Variants in ITIH5 observed in about 807,000 individuals in gnomAD.
The protein encoded by ITIH5 is inter-alpha-trypsin inhibitor heavy chain 5.
ITIH5 carries 65 observed loss-of-function variants against 77.5 expected under a neutral mutation model. The ratio of observed to expected loss-of-function variants is 0.84; its 90% CI spans 0.69 to 1.03. The LOEUF is 1.03. Among genes scored for constraint, ITIH5 ranks in the 50% least tolerant of loss-of-function variants. The probability of loss-of-function intolerance (pLI) is 0.00; values close to 1 mark genes in which losing one functional copy is unlikely to be tolerated. For missense variants in ITIH5, 1,208 were observed against 1,213.1 expected (o/e 1.00, Z 0.06); for synonymous variants, 525 against 494.3 (o/e 1.06, Z -0.82).
At chr10:7,661,997 T>A (rs1407749448) in intron 1 of ITIH5, among the ~76,000 whole-genome samples, 1 of 152,198 alleles carries the variant, frequency 6.6e-6, no homozygotes, top group Non-Finnish European at 1.5e-5. Context: ...CCACTGTGCC[T>A]GGCCGATTAA....
intron 5 of ITIH5, among the ~76,000 whole-genome samples, chr10:7,626,218 GA>G (rs1232306160): frequency 6.6e-6 from 1 of 152,146 alleles, no homozygotes; most frequent in African/African-American, 2.4e-5. Context: ...CAGGAAAAAG[GA>G]AGAAAAAGAG....
chr10:7,666,923 C>T lies in ITIH5; in HGVS notation c.-31G>A. On this transcript the variant is annotated 5_prime_UTR_variant, in exon 1 of 14. Coordinates refer to ENST00000397146, the MANE Select transcript of ITIH5 (RefSeq NM_030569.7). ...GGCGAGGGCGCGGGACGCTCGGGGA[C>T]CCGGCGGGACACGCTTTGCAGCGCC... 6.5e-7 allele frequency: 1 copy of T among 1,550,114 alleles called. No individual in the cohort carries two copies. Among genetic ancestry groups the T allele is most frequent in the Non-Finnish European group, 8.7e-7 (1 of 1,144,582 alleles).
intron 7 of ITIH5, chr10:7,600,542 T>G (rs1162663569): frequency 4.4e-6 from 2 of 456,628 alleles, no homozygotes; most frequent in Non-Finnish European, 8.8e-6. Context: ...GGCCTTTGCC[T>G]TCCCTTTCCA....
rs1033405913 is a variant in ITIH5, at chr10:7,562,533, C to G, written c.*550G>C. The G allele has an allele frequency of 1.9e-5, 3 of 154,862 alleles. No homozygotes were observed. The highest frequency in any genetic ancestry group is 7.2e-5 in the African/African-American group (3 of 41,464). The allele number at this position is 154,862 out of a possible 1,614,324, so 9.6% of individuals were successfully genotyped here. A position where few individuals can be genotyped will look rare whatever the true frequency, so the allele number is the denominator to read the frequency against. ...AAAAGACTTCATGGTTTACAACGATCAAATGTATGGGCTATTTGCCTGATT... is the reference window on the plus strand; with the variant it reads ...AAAAGACTTCATGGTTTACAACGATGAAATGTATGGGCTATTTGCCTGATT... On this transcript the variant is annotated 3_prime_UTR_variant, in exon 14 of 14. Transcript: ENST00000397146.
At chr10:7,567,608 AAT>A in intron 12 of ITIH5, among the ~76,000 whole-genome samples, 1 of 151,934 alleles carries the variant, frequency 6.6e-6, no homozygotes, top group East Asian at 1.9e-4. Context: ...CTGTCCTTGC[AAT>A]AGTTTGCTCA....
At chr10:7,656,636 G>A (rs1438421766) in intron 1 of ITIH5, among the ~76,000 whole-genome samples, 3 of 152,094 alleles carry the variant, frequency 2.0e-5, no homozygotes, top group Non-Finnish European at 4.4e-5. Context: ...ACTAATAGAA[G>A]TGTAAACTAT....
At chr10:7,660,522 C>T (rs898076439) in intron 1 of ITIH5, among the ~76,000 whole-genome samples, 1 of 152,158 alleles carries the variant, frequency 6.6e-6, no homozygotes, top group Non-Finnish European at 1.5e-5. Flanking sequence ...ATCATCAGAG[C>T]TGTGGAGTGT....
intron 8 of ITIH5, among the ~76,000 whole-genome samples, chr10:7,585,561 A>G (rs1348321150): frequency 3.3e-5 from 5 of 152,164 alleles, no homozygotes; most frequent in African/African-American, 1.2e-4. Context: ...ACGTGGCTGT[A>G]ATTCTCCACC....
chr10:7,627,621 T>C (rs1407603579), intron 5 of ITIH5, among the ~76,000 whole-genome samples: 1 of 152,180 alleles, frequency 6.6e-6, no homozygotes, highest in Non-Finnish European at 1.5e-5. Flanking sequence ...AGGAGTGATA[T>C]GATTAAAAAG....
chr10:7,641,881 A>C (rs748711504), intron 3 of ITIH5, 46 bp downstream of exon 3: 1 of 1,592,644 alleles, frequency 6.3e-7, no homozygotes, highest in Non-Finnish European at 8.6e-7. Flanking sequence ...GCTCAACCTG[A>C]CCACCCTAGG....
intron 1 of ITIH5, among the ~76,000 whole-genome samples, chr10:7,662,849 C>A (rs1222833559): frequency 6.6e-6 from 1 of 152,172 alleles, no homozygotes; most frequent in African/African-American, 2.4e-5. Flanking sequence ...CTTACAAAAT[C>A]TTTCACTGGC....
At chr10:7,600,627 CCTT>C (rs1226332178) in intron 7 of ITIH5, 1 of 455,970 alleles carries the variant, frequency 2.2e-6, no homozygotes, top group Non-Finnish European at 4.4e-6. Flanking sequence ...ATCAGAACAT[CCTT>C]CTTCAAGCTA....
chr10:7,602,822 T>C (rs1317323921), intron 7 of ITIH5, among the ~76,000 whole-genome samples: 2 of 152,310 alleles, frequency 1.3e-5, no homozygotes, highest in African/African-American at 4.8e-5. Context: ...AGCTAATTAC[T>C]AAGCCACACT....
At position 7,573,187 on chromosome 10, in the gene ITIH5, G is replaced by A; in HGVS notation, c.1987C>T (p.Leu663Phe). Residue 663 changes from leucine to phenylalanine, a missense_variant, in exon 11 of 14, where the codon CTC becomes TTC. By Grantham distance (22) the Leu-to-Phe change is conservative (BLOSUM62 0). Coordinates refer to ENST00000397146, the MANE Select transcript of ITIH5 (RefSeq NM_030569.7). The part of the protein sequence containing the change: ...RGAGTQPGPL[L>F]KKPYQPRIKI... ...ATTCTTGGCTGGTATGGCTTCTTGA[G>A]CAAAGGTCCTAAAAGGGAGAAGGAA... The A allele has an allele frequency of 6.2e-7, 1 of 1,613,134 alleles. No individual in the cohort carries two copies. The highest frequency in any genetic ancestry group is 8.5e-7 in the Non-Finnish European group (1 of 1,179,222).
intron 2 of ITIH5, among the ~76,000 whole-genome samples, chr10:7,654,583 A>T (rs924336897): frequency 6.6e-6 from 1 of 152,212 alleles, no homozygotes. Context: ...GGCTCCTTTC[A>T]CACAATGCAA....
Position 7,563,271 on chromosome 10 carries a change from C to G in ITIH5, c.2641G>C (p.Val881Leu). 6.2e-7 allele frequency: 1 copy of G among 1,614,220 alleles called. No homozygotes were observed. Among genetic ancestry groups the G allele is most frequent in the Non-Finnish European group, 8.5e-7 (1 of 1,180,036 alleles). ...ACCACTGGGACTTGGTGGCCTTTCACTGTTAGGACGGCCTCAGGCCCCTCT... is the reference window on the plus strand; with the variant it reads ...ACCACTGGGACTTGGTGGCCTTTCAGTGTTAGGACGGCCTCAGGCCCCTCT... ...VGEGPEAVLT[V>L]KGHQVPVVWK... Residue 881 changes from valine to leucine, a missense_variant, in exon 14 of 14, where the codon GTG becomes CTG. Transcript: ENST00000397146.
chr10:7,649,501 G>A (rs191467163), intron 2 of ITIH5, among the ~76,000 whole-genome samples: 128 of 149,448 alleles, frequency 8.6e-4, no homozygotes, highest in African/African-American at 3.0e-3. Flanking sequence ...TAAGTGGATA[G>A]ATGGATAGAT....
intron 3 of ITIH5, 85 bp downstream of exon 3, chr10:7,641,842 G>A (rs1311718472): frequency 9.0e-7 from 1 of 1,109,172 alleles, no homozygotes; most frequent in Non-Finnish European, 1.3e-6. Context: ...AATCCTCACA[G>A]TCACAAGGCT....
At chr10:7,571,214 G>A (rs1832290309) in intron 11 of ITIH5, among the ~76,000 whole-genome samples, 1 of 152,044 alleles carries the variant, frequency 6.6e-6, no homozygotes, top group Non-Finnish European at 1.5e-5. Context: ...CTGACCCCCA[G>A]AGGAGATCAA....
Sources: gnomAD v4.1 joint callset for allele counts (sites outside exome capture counted in the v4.1 genomes callset) on GRCh38, gnomAD v4.1.1 for gene constraint, MANE v1.5 for transcripts, NCBI Gene and HGNC (gene_info 2026-07-23, HGNC 2026-07-21) for gene names.